Variants in ZNF845 observed in about 807,000 individuals in gnomAD.
ZNF845 encodes zinc finger protein 845.
A neutral mutation model predicts 76.1 loss-of-function variants in ZNF845; 59 were observed. The observed-to-expected ratio is 0.78, with a 90% CI of 0.63 to 0.96. The LOEUF (loss-of-function observed/expected upper bound fraction) is 0.96, where lower values mean the gene tolerates loss of function less well. Ranked by LOEUF, ZNF845 falls within the 40% of genes least tolerant of loss-of-function variation. ZNF845 has a pLI of 0.00. For missense variants in ZNF845, 1,045 were observed against 1,172.8 expected (o/e 0.89, Z 1.59); for synonymous variants, 361 against 386.9 (o/e 0.93, Z 0.78).
In ZNF845 at chr19:53,356,668, G is replaced by C. The variant is rs564008160; in HGVS notation, c.*3080G>C. 6.6e-6 allele frequency: 1 copy of C among 152,258 alleles called. No individual in the cohort carries two copies. The highest frequency in any genetic ancestry group is 2.4e-5 in the African/African-American group (1 of 41,552). 9.4% of individuals were successfully genotyped at this position (152,258 alleles called of 1,614,324 possible). ...AATGAGGCCGGGCGTGGTGGCTCAC[G>C]CCTGTAATCCCAGCACTTTGGGAGG... On this transcript the variant is annotated 3_prime_UTR_variant, in exon 4 of 4. Coordinates refer to ENST00000458035, the MANE Select transcript of ZNF845 (RefSeq NM_138374.3).
In ZNF845 at chr19:53,351,191, G is replaced by A. The variant is rs370565475; in HGVS notation, c.516G>A (p.Ser172=). ...TTGAGAAGTCTATCAACAGTGCTTCGTTGGTTTCAACATCCCAAAGAATTT... is the reference window on the plus strand; with the variant it reads ...TTGAGAAGTCTATCAACAGTGCTTCATTGGTTTCAACATCCCAAAGAATTT... ...NQVEKSINSA[S]LVSTSQRISC... The change falls in exon 4 of 4, where the codon TCG becomes TCA. Residue 172 remains serine, a synonymous_variant. Transcript: ENST00000458035. The A allele has an allele frequency of 1.9e-4, 302 of 1,614,156 alleles. No individual in the cohort carries two copies. In the East Asian group the frequency reaches 2.5e-3, roughly 13 times the overall value.
rs2085385103 is a variant in ZNF845, at chr19:53,356,261, G to A, written c.*2673G>A. 1 of 151,928 alleles carries A rather than the reference G, an allele frequency of 6.6e-6. No homozygotes were observed. Among genetic ancestry groups the A allele is most frequent in the Non-Finnish European group, 1.5e-5 (1 of 67,978 alleles). 9.4% of individuals were successfully genotyped at this position (151,928 alleles called of 1,614,324 possible). ...AAACATCAAATTTACGATGAGACCA[G>A]ACGCAGTGGCTCAGGCCTGTAATCC... On this transcript the variant is annotated 3_prime_UTR_variant, in exon 4 of 4. Coordinates refer to ENST00000458035, the MANE Select transcript of ZNF845 (RefSeq NM_138374.3).
At chr19:53,342,624 T>C (rs1477801391) in intron 2 of ZNF845, among the ~76,000 whole-genome samples, 10 of 152,030 alleles carry the variant, frequency 6.6e-5, no homozygotes, top group Admixed American at 6.6e-4. Flanking sequence ...ATCTCGCGCG[T>C]CTGTATTTCT....
rs112451478 is a variant in ZNF845, at chr19:53,341,461, C to T, written c.15+139C>T. 8.1e-5 allele frequency: 108 copies of T among 1,328,546 alleles called. No individual in the cohort carries two copies. The African/African-American group carries it at 1.4e-3, about 17-fold the overall frequency. 82.3% of individuals were successfully genotyped at this position (1,328,546 alleles called of 1,614,324 possible). A position where few individuals can be genotyped will look rare whatever the true frequency, so the allele number is the denominator to read the frequency against. ...ACTCACCCATGCCTTCCCTCAGTCC[C>T]TCTCATCTCGCTTAGATTCCATCTC... is the stretch of plus-strand genomic sequence containing the variant. On this transcript the variant is annotated intron_variant, in intron 2 of 3. Coordinates refer to ENST00000458035, the MANE Select transcript of ZNF845 (RefSeq NM_138374.3).
intron 2 of ZNF845, among the ~76,000 whole-genome samples, chr19:53,344,277 G>A (rs143002537): frequency 3.3e-5 from 5 of 152,292 alleles, no homozygotes; most frequent in East Asian, 3.9e-4. Context: ...GGTGGATCAC[G>A]CCTGTAATCC....
At position 53,353,891 on chromosome 19, in the gene ZNF845, C is replaced by A; in HGVS notation, c.*303C>A. Reference sequence around the variant, plus strand: ...CAGTAACACTACAACCGTTTCAAATCATTGGAGAATCCATAATGAGAGATT... The same window carrying A: ...CAGTAACACTACAACCGTTTCAAATAATTGGAGAATCCATAATGAGAGATT... On this transcript the variant is annotated 3_prime_UTR_variant, in exon 4 of 4. Coordinates refer to ENST00000458035, the MANE Select transcript of ZNF845 (RefSeq NM_138374.3). 1 of 1,078,516 alleles carries A rather than the reference C, an allele frequency of 9.3e-7. No homozygotes were observed. Among genetic ancestry groups the A allele is most frequent in the Non-Finnish European group, 1.3e-6 (1 of 757,714 alleles). The allele number at this position is 1,078,516 out of a possible 1,614,324, so 66.8% of individuals were successfully genotyped here.
In ZNF845 at chr19:53,352,346, C is replaced by A; in HGVS notation, c.1671C>A (p.Gly557=). Residue 557 remains glycine, a synonymous_variant, in exon 4 of 4, where the codon GGC becomes GGA. Coordinates refer to ENST00000458035, the MANE Select transcript of ZNF845 (RefSeq NM_138374.3). Reference sequence around the variant, plus strand: ...AACCTTACCAGTGTAATGAGTGTGGCAAAGCCTTTCGTGGGCAGTCAGCAC... The same window carrying A: ...AACCTTACCAGTGTAATGAGTGTGGAAAAGCCTTTCGTGGGCAGTCAGCAC... The part of the protein sequence containing the change: ...GEKPYQCNEC[G]KAFRGQSALI... The A allele has an allele frequency of 6.2e-7, 1 of 1,613,780 alleles. No individual in the cohort carries two copies. Among genetic ancestry groups the A allele is most frequent in the Non-Finnish European group, 8.5e-7 (1 of 1,179,886 alleles).
At position 53,355,374 on chromosome 19, in the gene ZNF845, A is replaced by C. The variant is rs1254105804; in HGVS notation, c.*1786A>C. On this transcript the variant is annotated 3_prime_UTR_variant, in exon 4 of 4. Transcript: ENST00000458035. ...GCAATTCTGTCTCAGCCTCCTGAGTAGCTGGGACTACAGGCGCATGTCACC... is the reference window on the plus strand; with the variant it reads ...GCAATTCTGTCTCAGCCTCCTGAGTCGCTGGGACTACAGGCGCATGTCACC... 6.6e-6 allele frequency: 1 copy of C among 151,962 alleles called. No homozygotes were observed. Among genetic ancestry groups the C allele is most frequent in the Non-Finnish European group, 1.5e-5 (1 of 68,002 alleles). The allele number at this position is 151,962 out of a possible 1,614,324, so 9.4% of individuals were successfully genotyped here. A position where few individuals can be genotyped will look rare whatever the true frequency, so the allele number is the denominator to read the frequency against.
intron 3 of ZNF845, among the ~76,000 whole-genome samples, chr19:53,347,175 C>T (rs539712496): frequency 1.9e-4 from 29 of 152,226 alleles, no homozygotes; most frequent in South Asian, 8.3e-4. Flanking sequence ...TGTGAACCAC[C>T]GCGCCCAGCT....
intron 1 of ZNF845, among the ~76,000 whole-genome samples, chr19:53,334,037 C>T (rs377295732): frequency 7.2e-5 from 11 of 152,344 alleles, no homozygotes; most frequent in Non-Finnish European, 1.0e-4. Flanking sequence ...CGCGTAGTTT[C>T]CCTGCTCAAA....
chr19:53,352,135 G>T lies in ZNF845; in HGVS notation c.1460G>T (p.Arg487Ile). Residue 487 changes from arginine (R) to isoleucine (I), a missense_variant, in exon 4 of 4, where the codon AGA becomes ATA. Physicochemically the swap from Arg to Ile is moderately conservative, Grantham distance 97. Coordinates refer to ENST00000458035, the MANE Select transcript of ZNF845 (RefSeq NM_138374.3). Reference protein sequence around the residue: ...SQTSSLVYHRRLHTGEKPYKC... With the variant: ...SQTSSLVYHRILHTGEKPYKC... ...ACATCATCCCTTGTATACCATCGTA[G>T]ACTTCATACTGGAGAGAAACCTTAC... The T allele has an allele frequency of 6.2e-7, 1 of 1,613,962 alleles. No homozygotes were observed. Among genetic ancestry groups the T allele is most frequent in the South Asian group, 1.1e-5 (1 of 91,074 alleles).
chr19:53,353,128 T>A lies in ZNF845; in HGVS notation c.2453T>A (p.Leu818His). The part of the protein sequence containing the change: ...CGKNFRHNSA[L>H]VIHKAIHSGE... ...AAGAACTTCCGTCACAATTCAGCCC[T>A]TGTAATTCATAAGGCAATTCATAGT... The change falls in exon 4 of 4, where the codon CTT becomes CAT. Residue 818 changes from leucine to histidine, a missense_variant. By Grantham distance (99) the Leu-to-His change is moderately conservative. Transcript: ENST00000458035. The A allele has an allele frequency of 6.3e-7, 1 of 1,598,746 alleles. No homozygotes were observed. The highest frequency in any genetic ancestry group is 1.7e-5 in the Admixed American group (1 of 59,654).
rs1206005708 is a variant in ZNF845 at position 53,351,921 on chromosome 19, T to G, written c.1246T>G (p.Cys416Gly). The change falls in exon 4 of 4, where the codon TGT becomes GGT. Residue 416 changes from cysteine to glycine, a missense_variant. Transcript: ENST00000458035. ...TGEKPYKCND[C>G]GKTFSQMSSL... ...AGAGAAACCTTATAAGTGTAATGAT[T>G]GTGGCAAGACCTTCAGTCAGATGTC... The G allele has an allele frequency of 3.7e-6, 6 of 1,613,674 alleles. No homozygotes were observed. The Admixed American group carries it at 1.0e-4, about 27-fold the overall frequency.
chr19:53,350,587 G>A (rs567907295), intron 3 of ZNF845, among the ~76,000 whole-genome samples: 6 of 152,274 alleles, frequency 3.9e-5, no homozygotes, highest in South Asian at 4.1e-4. Context: ...ACATTTGTGT[G>A]CTGTCAGTGT....
chr19:53,349,150 C>G (rs1020044424), intron 3 of ZNF845, among the ~76,000 whole-genome samples: 1 of 152,048 alleles, frequency 6.6e-6, no homozygotes, highest in Non-Finnish European at 1.5e-5. Context: ...AACCACAGCG[C>G]CCAGCCGTTA....
intron 2 of ZNF845, among the ~76,000 whole-genome samples, chr19:53,343,980 C>T (rs558962116): frequency 6.5e-4 from 98 of 151,640 alleles, no homozygotes; most frequent in Non-Finnish European, 1.2e-3. Context: ...CCACCATGCC[C>T]GGCTGATTTT....
chr19:53,342,322 G>T (rs1035946271), intron 2 of ZNF845, among the ~76,000 whole-genome samples: 1 of 152,030 alleles, frequency 6.6e-6, no homozygotes, highest in African/African-American at 2.4e-5. Context: ...TCACCATGTT[G>T]GCCAGGCTGG....
At position 53,335,471 on chromosome 19, in the gene ZNF845, C is replaced by T. The variant is rs188633796; in HGVS notation, c.-74+1679C>T. 4.6e-3 allele frequency among the ~76,000 whole-genome samples: 707 copies of T among 152,160 alleles called. 4 individuals are homozygous for T. The highest frequency in any genetic ancestry group is 0.016 in the African/African-American group (680 of 41,524). ...GTAGAAATGGGGTTTCACTGTTTCC[C>T]AGGCTGGTCTCAATTCTGGCCTCAA... On this transcript the variant is annotated intron_variant, in intron 1 of 3. Coordinates refer to ENST00000458035, the MANE Select transcript of ZNF845 (RefSeq NM_138374.3).
rs199509428 is a variant in ZNF845 at position 53,341,658 on chromosome 19, C to G, written c.15+336C>G. 1.6e-4 allele frequency among the ~76,000 whole-genome samples: 24 copies of G among 152,068 alleles called. No homozygotes were observed. The East Asian group carries it at 4.5e-3, about 28-fold the overall frequency. On this transcript the variant is annotated intron_variant, in intron 2 of 3. Coordinates refer to ENST00000458035, the MANE Select transcript of ZNF845 (RefSeq NM_138374.3). ...GGATGCACTGTCAGCTCTCTGTGAA[C>G]CAGGATTAGAGCAGCTGCCAATGGA...
Sources: allele counts gnomAD v4.1 joint callset (sites outside exome capture counted in the v4.1 genomes callset), GRCh38; gene constraint gnomAD v4.1.1; transcripts MANE v1.5; gene names NCBI Gene and HGNC (gene_info 2026-07-23, HGNC 2026-07-21).